The following POU6F2 variants were observed in gnomAD, a reference collection of about 807,000 sequenced individuals.
The protein encoded by POU6F2 is POU class 6 homeobox 2.
Under a neutral mutation model 71.3 loss-of-function variants are expected in POU6F2, and 31 were observed. The observed-to-expected ratio is 0.43, with a 90% CI of 0.33 to 0.59. The LOEUF (loss-of-function observed/expected upper bound fraction) is 0.59. Ranked by LOEUF, POU6F2 falls within the 20% of genes least tolerant of loss-of-function variation. The probability of loss-of-function intolerance (pLI) is 0.04; values close to 1 mark genes in which losing one functional copy is unlikely to be tolerated. For synonymous variants in POU6F2, 347 were observed against 355.7 expected (o/e 0.98, Z 0.27); for missense variants, 783 against 856.8 (o/e 0.91, Z 1.07).
chr7:39,300,220 A>G (rs1010152278), intron 4 of POU6F2, among the ~76,000 whole-genome samples: 1 of 152,258 alleles, frequency 6.6e-6, no homozygotes, highest in South Asian at 2.1e-4. Context: ...TAAAACTTCT[A>G]CATGGCTAAA....
chr7:39,454,605 T>C (rs1788739100), intron 8 of POU6F2, among the ~76,000 whole-genome samples: 2 of 137,246 alleles, frequency 1.5e-5, no homozygotes, highest in Non-Finnish European at 1.6e-5. Context: ...TGTTAGGAAA[T>C]TATAAGAGTC....
At chr7:39,051,653 C>T (rs745554037) in intron 1 of POU6F2, among the ~76,000 whole-genome samples, 9 of 152,030 alleles carry the variant, frequency 5.9e-5, no homozygotes, top group Non-Finnish European at 1.2e-4. Context: ...ATGTTTTTTA[C>T]TCAGGTGTAG....
Position 39,236,671 on chromosome 7 carries a change from G to A in POU6F2, c.598+29051G>A, listed in dbSNP as rs538253460. Among the ~76,000 whole-genome samples, 18 of 152,094 alleles carry A rather than the reference G, an allele frequency of 1.2e-4. No homozygotes were observed. The East Asian group carries it at 2.7e-3, about 23-fold the overall frequency. ...TTGCTAGTCAGGGAACATGATAAGC[G>A]TATAAGTAGCATGCTACTTCATTTA... On this transcript the variant is annotated intron_variant, in intron 4 of 9. Transcript: ENST00000518318.
At chr7:39,062,873 G>GTTTGT (rs1464718284) in intron 1 of POU6F2, among the ~76,000 whole-genome samples, 3 of 150,606 alleles carry the variant, frequency 2.0e-5, no homozygotes, top group Admixed American at 1.3e-4. Context: ...TTGTTTGTTT[G>GTTTGT]TTTTTTACCA....
At chr7:39,437,639 C>G (rs919879706) in intron 7 of POU6F2, among the ~76,000 whole-genome samples, 2 of 152,142 alleles carry the variant, frequency 1.3e-5, no homozygotes, top group South Asian at 4.2e-4. Flanking sequence ...CTTCTCTGAT[C>G]TCAGTTATTT....
At chr7:39,194,764 A>T (rs1793746787) in intron 2 of POU6F2, among the ~76,000 whole-genome samples, 1 of 152,196 alleles carries the variant, frequency 6.6e-6, no homozygotes, top group Non-Finnish European at 1.5e-5. Context: ...CACTACCTTT[A>T]TGAGCTGTAA....
At chr7:39,302,695 A>G (rs1262037629) in intron 4 of POU6F2, among the ~76,000 whole-genome samples, 2 of 152,276 alleles carry the variant, frequency 1.3e-5, no homozygotes, top group East Asian at 3.8e-4. Flanking sequence ...AGTAGAATCA[A>G]AATTACTTCT....
intron 8 of POU6F2, among the ~76,000 whole-genome samples, chr7:39,457,641 G>A (rs1788834780): frequency 6.6e-6 from 1 of 152,170 alleles, no homozygotes; most frequent in Non-Finnish European, 1.5e-5. Context: ...ATTTCTTTCT[G>A]TAGTTGTCAG....
chr7:39,046,962 T>TC lies in POU6F2; in HGVS notation c.106-38892dup, dbSNP rs1443702100. Among the ~76,000 whole-genome samples, 30 of 151,986 alleles carry TC rather than the reference T, an allele frequency of 2.0e-4. 1 individual carries two copies. The East Asian group carries it at 5.8e-3, about 29-fold the overall frequency. ...GCACCATTTGTTAACAGACTGTCAT[T>TC]CCCCCCATTAAATTGTCTCCACATT... On this transcript the variant is annotated intron_variant, in intron 1 of 9. Transcript: ENST00000518318.
intron 4 of POU6F2, among the ~76,000 whole-genome samples, chr7:39,303,353 T>C (rs1784988895): frequency 6.6e-6 from 1 of 152,114 alleles, no homozygotes; most frequent in Non-Finnish European, 1.5e-5. Context: ...TTCACCATGT[T>C]ATCCAGGATG....
intron 1 of POU6F2, among the ~76,000 whole-genome samples, chr7:39,003,803 C>T (rs529677848): frequency 1.6e-4 from 24 of 150,612 alleles, no homozygotes; most frequent in Non-Finnish European, 2.4e-4. Context: ...AATCATGTGA[C>T]GTTACAATTG....
At chr7:39,246,579 A>G (rs768086349) in intron 4 of POU6F2, among the ~76,000 whole-genome samples, 1 of 152,106 alleles carries the variant, frequency 6.6e-6, no homozygotes, top group Non-Finnish European at 1.5e-5. Flanking sequence ...TGACTCCTGT[A>G]TGTAAAATTG....
At chr7:39,375,262 A>G (rs1583559171) in intron 5 of POU6F2, among the ~76,000 whole-genome samples, 1 of 152,188 alleles carries the variant, frequency 6.6e-6, no homozygotes, top group South Asian at 2.1e-4. Flanking sequence ...CCACAAGTGT[A>G]TTGAGAAACG....
chr7:39,407,896 A>G (rs1787472583), intron 6 of POU6F2, among the ~76,000 whole-genome samples: 1 of 152,224 alleles, frequency 6.6e-6, no homozygotes, highest in Non-Finnish European at 1.5e-5. Context: ...GAGAGGCCCC[A>G]TGTAATGAAT....
At chr7:39,254,568 C>T (rs182448138) in intron 4 of POU6F2, among the ~76,000 whole-genome samples, 1 of 152,300 alleles carries the variant, frequency 6.6e-6, no homozygotes, top group East Asian at 1.9e-4. Context: ...ACGCTTCCAG[C>T]ATCCGCAAGC....
chr7:39,442,375 C>T (rs147538958), intron 7 of POU6F2, among the ~76,000 whole-genome samples: 4 of 152,354 alleles, frequency 2.6e-5, no homozygotes, highest in African/African-American at 9.6e-5. Flanking sequence ...AAGGGAACTT[C>T]ACCCAGCGAG....
chr7:39,113,994 T>G (rs957380177), intron 2 of POU6F2, among the ~76,000 whole-genome samples: 4 of 152,124 alleles, frequency 2.6e-5, no homozygotes, highest in African/African-American at 9.7e-5. Context: ...AGTGTATCTC[T>G]TAAGAAATGG....
intron 2 of POU6F2, among the ~76,000 whole-genome samples, chr7:39,198,407 C>A (rs779495142): frequency 6.6e-6 from 1 of 151,790 alleles, no homozygotes; most frequent in Non-Finnish European, 1.5e-5. Flanking sequence ...GTAGATGCAG[C>A]CTTAAAATAA....
intron 4 of POU6F2, among the ~76,000 whole-genome samples, chr7:39,318,785 C>T (rs1349185921): frequency 2.6e-5 from 4 of 152,162 alleles, no homozygotes; most frequent in Non-Finnish European, 5.9e-5. Flanking sequence ...CAGGCTACTG[C>T]TAGGTAATAT....
Sources: gnomAD v4.1 joint callset for allele counts (sites outside exome capture counted in the v4.1 genomes callset) on GRCh38, gnomAD v4.1.1 for gene constraint, MANE v1.5 for transcripts, NCBI Gene and HGNC (gene_info 2026-07-23, HGNC 2026-07-21) for gene names.